DYSF: variants seen among roughly 807,000 people sequenced by gnomAD.
DYSF encodes the protein dystrophy-associated fer-1-like 1.
DYSF carries 212 observed loss-of-function variants against 274.9 expected under a neutral mutation model. The observed-to-expected ratio is 0.77, with a 90% CI of 0.69 to 0.86. The LOEUF (loss-of-function observed/expected upper bound fraction) is 0.86. DYSF is among the 40% of genes least tolerant of loss of function. The probability of loss-of-function intolerance (pLI) is 0.00; values close to 1 mark genes in which losing one functional copy is unlikely to be tolerated. For missense variants in DYSF, 2,666 were observed against 2,783.2 expected (o/e 0.96, Z 0.95); for synonymous variants, 1,091 against 1,078.7 (o/e 1.01, Z -0.22).
At chr2:71,620,020 A>T (rs1303313244) in intron 40 of DYSF, among the ~76,000 whole-genome samples, 1 of 152,184 alleles carries the variant, frequency 6.6e-6, no homozygotes, top group East Asian at 1.9e-4. Flanking sequence ...GTCCCCACTG[A>T]TGTCAGGTTT....
chr2:71,679,201 G>T lies in DYSF; in HGVS notation c.6029G>T (p.Cys2010Phe). ...AAAACAGTGAAGGGCTGGTGGCCCTGTGTAGCAGAAGAGGGTGAGAAGAAA... is the reference window on the plus strand; with the variant it reads ...AAAACAGTGAAGGGCTGGTGGCCCTTTGTAGCAGAAGAGGGTGAGAAGAAA... The part of the protein sequence containing the change: ...EQKTVKGWWP[C>F]VAEEGEKKIL... The change falls in exon 53 of 56, where the codon TGT becomes TTT. Residue 2010 changes from cysteine (C) to phenylalanine (F), a missense_variant. Physicochemically the swap from Cys to Phe is radical, Grantham distance 205 (BLOSUM62 -2). Around this residue, in one of 3 missense-constraint regions of DYSF, gnomAD observed 1,460 missense variants for 1,502.1 expected, o/e 0.97. Transcript: ENST00000410020. 2 of 1,614,084 alleles carry T rather than the reference G, an allele frequency of 1.2e-6. No homozygotes were observed. The highest frequency in any genetic ancestry group is 1.1e-5 in the South Asian group (1 of 91,078).
Position 71,620,679 on chromosome 2 carries a change from G to C in DYSF, c.4527+70G>C, listed in dbSNP as rs547515961. ...GGGGCTGGGGGTAGGGGGGTTAGGAGGGAAATGGGAGGGGAGAGTGGGAGG... is the reference window on the plus strand; with the variant it reads ...GGGGCTGGGGGTAGGGGGGTTAGGACGGAAATGGGAGGGGAGAGTGGGAGG... On this transcript the variant is annotated intron_variant, in intron 41 of 55. Transcript: ENST00000410020. 128 of 1,444,502 alleles carry C rather than the reference G, an allele frequency of 8.9e-5. No individual in the cohort carries two copies. The African/African-American group carries it at 1.8e-3, about 20-fold the overall frequency. 89.5% of individuals were successfully genotyped at this position (1,444,502 alleles called of 1,614,324 possible).
Position 71,655,763 on chromosome 2 carries a change from A to G in DYSF, c.4627-399A>G, listed in dbSNP as rs1012560034. On this transcript the variant is annotated intron_variant, in intron 42 of 55. Transcript: ENST00000410020. ...ATGTCGGTCCACCCTTTGCTCATTC[A>G]TAATCTTGTTCTTTTAAAAAATGTA... 2.6e-5 allele frequency among the ~76,000 whole-genome samples: 4 copies of G among 152,240 alleles called. No individual in the cohort carries two copies. The East Asian group carries it at 5.8e-4, about 22-fold the overall frequency.
intron 22 of DYSF, among the ~76,000 whole-genome samples, chr2:71,561,536 C>T (rs577485796): frequency 5.3e-5 from 8 of 152,192 alleles, no homozygotes; most frequent in Admixed American, 1.3e-4. Flanking sequence ...GATCAGGAGG[C>T]GCGTAGGCTG....
intron 43 of DYSF, among the ~76,000 whole-genome samples, chr2:71,656,525 T>C (rs2152938181): frequency 6.6e-6 from 1 of 152,270 alleles, no homozygotes; most frequent in Admixed American, 6.5e-5. Flanking sequence ...AGAGTGGTGG[T>C]CATGATGGTG....
rs571787761 is a variant in DYSF at position 71,453,790 on chromosome 2, G to A, written c.-209G>A. ...GACAAGCGGGGTGAGCGCAGCCGGG[G>A]CGGGGACCCAGCCTAGCCCACTGGA... On this transcript the variant is annotated 5_prime_UTR_variant, in exon 1 of 55. Coordinates refer to the DYSF transcript ENST00000258104. The A allele has an allele frequency of 2.2e-3, 1,360 of 604,822 alleles. 17 individuals carry two copies. The highest frequency in any genetic ancestry group is 4.9e-4 in the Non-Finnish European group (166 of 336,628). 37.5% of individuals were successfully genotyped at this position (604,822 alleles called of 1,614,324 possible).
At chr2:71,479,091 A>G (rs1354221853) in intron 1 of DYSF, among the ~76,000 whole-genome samples, 1 of 151,386 alleles carries the variant, frequency 6.6e-6, no homozygotes, top group Non-Finnish European at 1.5e-5. Flanking sequence ...AAGCTGAGCC[A>G]TCCAGGTGGA....
intron 16 of DYSF, among the ~76,000 whole-genome samples, chr2:71,537,228 T>TTTTG (rs1559104880): frequency 6.3e-4 from 23 of 36,292 alleles, no homozygotes; most frequent in Middle Eastern, 0.033. Context: ...GTTTTGTTTT[T>TTTTG]TTTTTTTTTT....
chr2:71,578,534 C>T (rs1034382304), intron 30 of DYSF, among the ~76,000 whole-genome samples: 5 of 152,240 alleles, frequency 3.3e-5, no homozygotes, highest in South Asian at 4.1e-4. Context: ...CTAGAATCTG[C>T]GTCTTTGAAG....
Position 71,615,132 on chromosome 2 carries a change from C to T in DYSF, c.4464+1722C>T, listed in dbSNP as rs2093853500. Among the ~76,000 whole-genome samples, 1 of 152,158 alleles carries T rather than the reference C, an allele frequency of 6.6e-6. No individual in the cohort carries two copies. The highest frequency in any genetic ancestry group is 2.1e-4 in the South Asian group (1 of 4,836). On this transcript the variant is annotated intron_variant, in intron 40 of 55. Transcript: ENST00000410020. This position sits in a 1 kb window ranked among gnomAD's most constrained non-coding sequence, Gnocchi z 4.9. ...GAGGGACTATTTTAGGTCCTGCTGG[C>T]CACAAGCACAGCCAGAGGCAGACGA...
intron 10 of DYSF, among the ~76,000 whole-genome samples, chr2:71,519,811 GTTTTTT>G (rs70959241): frequency 9.8e-6 from 1 of 102,286 alleles, no homozygotes; most frequent in African/African-American, 3.9e-5. Context: ...CACCCGGCTA[GTTTTTT>G]TTTTTTTTTT....
chr2:71,604,710 G>A (rs763424883), intron 36 of DYSF, among the ~76,000 whole-genome samples: 1 of 152,234 alleles, frequency 6.6e-6, no homozygotes, highest in South Asian at 2.1e-4. Context: ...CTTGTGGGAA[G>A]TGCCTTTCAG....
chr2:71,453,743 C>G (rs2080934049), exon 1 of DYSF: 5 of 559,964 alleles, frequency 8.9e-6, no homozygotes, highest in Non-Finnish European at 1.6e-5. Flanking sequence ...GAGCAGAAGC[C>G]CCTGTTCTCG....
chr2:71,553,228 C>G (rs2091085242), intron 20 of DYSF, 40 bp downstream of exon 20: 1 of 1,612,848 alleles, frequency 6.2e-7, no homozygotes. Flanking sequence ...ATCACAGGAT[C>G]ATAGAGCAGG....
chr2:71,585,743 G>A (rs773944629), intron 30 of DYSF, among the ~76,000 whole-genome samples: 5 of 152,190 alleles, frequency 3.3e-5, no homozygotes, highest in Admixed American at 6.5e-5. Context: ...CCTGCTGCCT[G>A]TGAGGTGCTC....
upstream of DYSF, among the ~76,000 whole-genome samples, chr2:71,464,848 A>G (rs764305072): frequency 3.0e-4 from 46 of 152,266 alleles, no homozygotes; most frequent in Admixed American, 5.2e-4. Context: ...TGACTCAGGC[A>G]AGGGATGACA....
intron 3 of DYSF, among the ~76,000 whole-genome samples, chr2:71,500,737 T>G (rs956571013): frequency 3.9e-5 from 6 of 151,972 alleles, no homozygotes; most frequent in Non-Finnish European, 8.8e-5. Context: ...AAGCTGGAGC[T>G]CCAGCTGCCA....
At chr2:71,574,517 T>TG (rs2092635423) in intron 30 of DYSF, 146 bp downstream of exon 30, 1 of 999,738 alleles carries the variant, frequency 1.0e-6, no homozygotes, top group South Asian at 1.7e-5. Flanking sequence ...TCAGTACCTG[T>TG]GGGGTGGCAT....
At chr2:71,617,929 A>AGGTGG (rs1195406905) in intron 40 of DYSF, among the ~76,000 whole-genome samples, 2 of 41,038 alleles carry the variant, frequency 4.9e-5, no homozygotes, top group Non-Finnish European at 5.0e-5. Flanking sequence ...TGTGTGGTAG[A>AGGTGG]GGTGTGTGTG....
Sources: allele counts gnomAD v4.1 joint callset (sites outside exome capture counted in the v4.1 genomes callset), GRCh38; gene constraint gnomAD v4.1.1; regional missense constraint gnomAD v4.1.1; non-coding constraint Gnocchi (gnomAD v3.1); transcripts MANE v1.5; gene names NCBI Gene and HGNC (gene_info 2026-07-23, HGNC 2026-07-21).